FKBP9: variants seen among roughly 807,000 people sequenced by gnomAD.
FKBP9 encodes the protein peptidyl-prolyl cis-trans isomerase FKBP9.
In FKBP9, 27 loss-of-function variants were observed where a neutral mutation model predicts 55.6. That is an observed-to-expected ratio of 0.49 (90% confidence interval 0.36 to 0.67). The LOEUF is 0.67. FKBP9 is among the 30% of genes least tolerant of loss of function. FKBP9 has a pLI of 0.00. For missense variants in FKBP9, 539 were observed against 742.8 expected, an observed-to-expected ratio of 0.73 and a Z score of 3.19; for synonymous variants, 267 against 296.5, an observed-to-expected ratio of 0.90 and a Z score of 1.02.
chr7:32,976,066 C>T (rs1396231888), intron 3 of FKBP9, among the ~76,000 whole-genome samples: 2 of 152,148 alleles, frequency 1.3e-5, no homozygotes, highest in African/African-American at 2.4e-5. Flanking sequence ...TGGGGCTACA[C>T]GGGAGATCAG....
chr7:32,965,165 G>A (rs1187765052), intron 1 of FKBP9, among the ~76,000 whole-genome samples: 2 of 151,974 alleles, frequency 1.3e-5, no homozygotes, highest in Non-Finnish European at 2.9e-5. Context: ...TTTGAGACAG[G>A]GTCTCACTCT....
intron 4 of FKBP9, among the ~76,000 whole-genome samples, chr7:32,980,042 G>A (rs1784444843): frequency 6.6e-6 from 1 of 152,232 alleles, no homozygotes; most frequent in Non-Finnish European, 1.5e-5. Context: ...GAAACCCACA[G>A]AGGTATGTAT....
In FKBP9 at chr7:32,980,478, G is replaced by A. The variant is rs754374101; in HGVS notation, c.818G>A (p.Arg273Gln). 25 of 1,613,672 alleles carry A rather than the reference G, an allele frequency of 1.5e-5. No individual in the cohort carries two copies. The highest frequency in any genetic ancestry group is 3.3e-5 in the Admixed American group (2 of 59,954). The change falls in exon 5 of 10, where the codon CGG becomes CAG. Residue 273 changes from arginine to glutamine, a missense_variant. By Grantham distance (43) the Arg-to-Gln change is conservative. Transcript: ENST00000242209. ...ENKVVPENCE[R>Q]ISQSGDFLRY... ...AAGGTAGTACCTGAAAACTGTGAGC[G>A]GATAAGTCAAAGTGGGGACTTTCTC...
chr7:32,968,989 C>T (rs1463440728), intron 1 of FKBP9, among the ~76,000 whole-genome samples: 2 of 152,156 alleles, frequency 1.3e-5, no homozygotes, highest in African/African-American at 2.4e-5. Context: ...CATTTCTCTG[C>T]TGTTTAGTGA....
At chr7:33,005,064 G>C in intron 9 of FKBP9, 111 bp from the exon 10 acceptor site, 2 of 1,465,644 alleles carry the variant, frequency 1.4e-6, no homozygotes, top group East Asian at 2.3e-5. Flanking sequence ...TGTGTTGGTA[G>C]CCCAGACTCA....
At chr7:32,971,259 T>A (rs1380489296) in intron 1 of FKBP9, among the ~76,000 whole-genome samples, 9 of 152,242 alleles carry the variant, frequency 5.9e-5, no homozygotes, top group Non-Finnish European at 1.3e-4. Context: ...AACTTTATTT[T>A]TCCAGATGGT....
intron 4 of FKBP9, among the ~76,000 whole-genome samples, chr7:32,978,368 A>G (rs1784405906): frequency 6.6e-6 from 1 of 152,078 alleles, no homozygotes; most frequent in Non-Finnish European, 1.5e-5. Context: ...GATATAAGAT[A>G]CTGTTATTAT....
intron 1 of FKBP9, among the ~76,000 whole-genome samples, chr7:32,959,540 A>G (rs1326135129): frequency 6.6e-6 from 1 of 152,200 alleles, no homozygotes; most frequent in African/African-American, 2.4e-5. Context: ...CAAACATCAC[A>G]ACTAGCTATT....
At chr7:32,988,479 C>A (rs963243194) in intron 5 of FKBP9, 28 bp from the exon 6 acceptor site, 1 of 1,612,828 alleles carries the variant, frequency 6.2e-7, no homozygotes, top group Non-Finnish European at 8.5e-7. Flanking sequence ...TCATGAATGA[C>A]CTCTTTCTTT....
Position 32,963,532 on chromosome 7 carries a change from C to T in FKBP9, c.221+5738C>T. On this transcript the variant is annotated intron_variant, in intron 1 of 9. Coordinates refer to ENST00000242209, the MANE Select transcript of FKBP9 (RefSeq NM_007270.5). The stretch of plus-strand genomic sequence containing the variant: ...TTTTACACAGGGATTCATCCAGCTT[C>T]TAACATTCCAGGTACTGGGATACAG... The T allele has an allele frequency of 5.2e-6, 5 of 953,116 alleles. 1 individual carries two copies. In the South Asian group the frequency reaches 1.0e-4, roughly 19 times the overall value. 59.0% of individuals were successfully genotyped at this position (953,116 alleles called of 1,614,324 possible).
rs965729370 is a variant in FKBP9 at position 32,979,681 on chromosome 7, A to G, written c.704-683A>G. ...GTTGATGTTGATCTTTGCAGGAAGA[A>G]CTAGTGTCCTGTAATCTCTTCATGT... is the stretch of plus-strand genomic sequence containing the variant. On this transcript the variant is annotated intron_variant, in intron 4 of 9. Coordinates refer to ENST00000242209, the MANE Select transcript of FKBP9 (RefSeq NM_007270.5). The G allele has an allele frequency of 3.8e-5, 33 of 865,642 alleles. No individual in the cohort carries two copies. The African/African-American group carries it at 5.3e-4, about 14-fold the overall frequency. The allele number at this position is 865,642 out of a possible 1,614,324, so 53.6% of individuals were successfully genotyped here.
At chr7:32,990,521 T>A (rs1784660070) in intron 6 of FKBP9, among the ~76,000 whole-genome samples, 1 of 152,202 alleles carries the variant, frequency 6.6e-6, no homozygotes, top group African/African-American at 2.4e-5. Flanking sequence ...AGCCATGAAG[T>A]GAATGTCCTT....
intron 3 of FKBP9, 82 bp from the exon 4 acceptor site, chr7:32,976,272 T>C: frequency 3.9e-6 from 6 of 1,546,294 alleles, no homozygotes; most frequent in Non-Finnish European, 5.4e-6. Context: ...AGCTGATATT[T>C]GGGTAAGAAA....
chr7:32,976,247 A>G lies in FKBP9; in HGVS notation c.558-107A>G, dbSNP rs150199976. Reference sequence around the variant, plus strand: ...ATAAATGTCTATCTCTAGGATGGGTATGGGATCATCGTTTAGCTGATATTT... The same window carrying G: ...ATAAATGTCTATCTCTAGGATGGGTGTGGGATCATCGTTTAGCTGATATTT... On this transcript the variant is annotated intron_variant, in intron 3 of 9. Transcript: ENST00000242209. The G allele has an allele frequency of 2.0e-5, 26 of 1,273,758 alleles. 1 individual carries two copies. The highest frequency in any genetic ancestry group is 2.5e-4 in the Middle Eastern group (1 of 4,064). 78.9% of individuals were successfully genotyped at this position (1,273,758 alleles called of 1,614,324 possible).
intron 7 of FKBP9, among the ~76,000 whole-genome samples, chr7:32,999,433 C>T (rs550929418): frequency 1.3e-5 from 2 of 150,562 alleles, no homozygotes; most frequent in East Asian, 3.9e-4. Context: ...AACTGGCTTC[C>T]TGAGGCCCAT....
At position 32,958,610 on chromosome 7, in the gene FKBP9, A is replaced by C. The variant is rs116527911; in HGVS notation, c.221+816A>C. On this transcript the variant is annotated intron_variant, in intron 1 of 9. Transcript: ENST00000242209. The stretch of plus-strand genomic sequence containing the variant: ...CAGGAGTTTGGGGCTGCTGTGAGCT[A>C]TGATCGTGCCATTGCACTGCAGCCT... 5.5e-3 allele frequency among the ~76,000 whole-genome samples: 834 copies of C among 152,256 alleles called. 13 individuals carry two copies. Among genetic ancestry groups the C allele is most frequent in the African/African-American group, 0.019 (789 of 41,572 alleles).
intron 5 of FKBP9, among the ~76,000 whole-genome samples, chr7:32,987,360 G>A (rs1187316041): frequency 1.3e-5 from 2 of 151,886 alleles, no homozygotes; most frequent in African/African-American, 2.4e-5. Flanking sequence ...GCCAGGCATG[G>A]TATTGCATGC....
intron 4 of FKBP9, among the ~76,000 whole-genome samples, chr7:32,977,850 CAT>C (rs71559287): frequency 3.5e-4 from 46 of 131,888 alleles, no homozygotes; most frequent in Middle Eastern, 7.6e-3. Context: ...TATATACACT[CAT>C]ATATATATAT....
chr7:32,970,516 A>G (rs1784231710), intron 1 of FKBP9, among the ~76,000 whole-genome samples: 1 of 151,868 alleles, frequency 6.6e-6, no homozygotes, highest in Non-Finnish European at 1.5e-5. Context: ...TCTTTCAGCA[A>G]TGTTTTTCTA....
Sources: allele counts gnomAD v4.1 joint callset (sites outside exome capture counted in the v4.1 genomes callset), GRCh38; gene constraint gnomAD v4.1.1; transcripts MANE v1.5; gene names NCBI Gene and HGNC (gene_info 2026-07-23, HGNC 2026-07-21).